NUBPL: variants seen among roughly 807,000 people sequenced by gnomAD.
The protein encoded by NUBPL is NUBP iron-sulfur cluster assembly factor, mitochondrial.
In NUBPL, 31 loss-of-function variants were observed where a neutral mutation model predicts 45.7. The ratio of observed to expected loss-of-function variants is 0.68; its 90% CI spans 0.51 to 0.92. The LOEUF (loss-of-function observed/expected upper bound fraction) is 0.92. Among genes scored for constraint, NUBPL ranks in the 40% least tolerant of loss-of-function variants. The probability of loss-of-function intolerance (pLI) is 0.00; values close to 1 mark genes in which losing one functional copy is unlikely to be tolerated. For missense variants in NUBPL, 401 were observed against 398.7 expected (o/e 1.01, Z -0.05); for synonymous variants, 144 against 140.9 (o/e 1.02, Z -0.15).
chr14:31,579,741 C>T (rs548475767), intron 3 of NUBPL, among the ~76,000 whole-genome samples: 4 of 152,316 alleles, frequency 2.6e-5, no homozygotes, highest in Non-Finnish European at 4.4e-5. Context: ...AGAAGTCTTA[C>T]GGTAATCTTT....
intron 7 of NUBPL, among the ~76,000 whole-genome samples, chr14:31,788,354 G>A (rs985199928): frequency 2.0e-5 from 3 of 150,460 alleles, no homozygotes; most frequent in Non-Finnish European, 4.4e-5. Context: ...CATTGTGTTG[G>A]ACTCTTTCTT....
intron 7 of NUBPL, among the ~76,000 whole-genome samples, chr14:31,795,590 C>G (rs9743920): frequency 0.13 from 42 of 318 alleles, 12 homozygotes; most frequent in East Asian, 1. Context: ...TTTGTATCCT[C>G]AGACTTTGCT....
intron 6 of NUBPL, among the ~76,000 whole-genome samples, chr14:31,683,927 G>C (rs1263788766): frequency 1.3e-5 from 2 of 151,812 alleles, no homozygotes; most frequent in Non-Finnish European, 2.9e-5. Flanking sequence ...GCCTTCAACT[G>C]CTACTACCAT....
chr14:31,674,980 CA>C (rs2036658804), intron 6 of NUBPL, among the ~76,000 whole-genome samples: 1 of 151,854 alleles, frequency 6.6e-6, no homozygotes, highest in Non-Finnish European at 1.5e-5. Context: ...ACTAAAAATA[CA>C]AAAAAATTAG....
chr14:31,706,641 C>A (rs1172713367), intron 6 of NUBPL, among the ~76,000 whole-genome samples: 1 of 152,182 alleles, frequency 6.6e-6, no homozygotes, highest in Non-Finnish European at 1.5e-5. Context: ...GGTGCAGAGT[C>A]CTCTTTTCTC....
At chr14:31,825,880 G>T (rs1158637122) in intron 7 of NUBPL, among the ~76,000 whole-genome samples, 4 of 146,160 alleles carry the variant, frequency 2.7e-5, no homozygotes, top group Non-Finnish European at 4.5e-5. Flanking sequence ...TTGAGATGGG[G>T]TCTCACTGTA....
At chr14:31,853,670 C>T (rs948312695) in intron 10 of NUBPL, among the ~76,000 whole-genome samples, 1 of 152,138 alleles carries the variant, frequency 6.6e-6, no homozygotes, top group Non-Finnish European at 1.5e-5. Flanking sequence ...GTTGGAAGAG[C>T]TGTTAGTACC....
intron 4 of NUBPL, among the ~76,000 whole-genome samples, chr14:31,650,506 G>T (rs1330981641): frequency 1.3e-5 from 2 of 152,076 alleles, no homozygotes; most frequent in African/African-American, 2.4e-5. Context: ...AGCCAGGATG[G>T]TCTCAATCTC....
chr14:31,725,598 T>C (rs1040543147), intron 6 of NUBPL, among the ~76,000 whole-genome samples: 5 of 152,190 alleles, frequency 3.3e-5, no homozygotes, highest in Non-Finnish European at 7.4e-5. Context: ...AAACAAATCT[T>C]TGACTGCATT....
In NUBPL at chr14:31,572,894, G is replaced by A. The variant is rs532677938; in HGVS notation, c.291+7846G>A. 9.2e-5 allele frequency among the ~76,000 whole-genome samples: 14 copies of A among 152,234 alleles called. No individual in the cohort carries two copies. In the South Asian group the frequency reaches 1.0e-3, roughly 11 times the overall value. On this transcript the variant is annotated intron_variant, in intron 3 of 10. Coordinates refer to ENST00000281081, the MANE Select transcript of NUBPL (RefSeq NM_025152.3). ...TGTTACTGTACTGAATACTGTAGAC[G>A]TTTGTAACACAATGGTAAGTATTTA...
intron 6 of NUBPL, among the ~76,000 whole-genome samples, chr14:31,765,274 C>T (rs556186490): frequency 6.6e-6 from 1 of 152,256 alleles, no homozygotes; most frequent in African/African-American, 2.4e-5. Flanking sequence ...TTCAAAAAGC[C>T]ATTTAACTCC....
chr14:31,715,904 A>AATATTT (rs559875373), intron 6 of NUBPL, among the ~76,000 whole-genome samples: 1,878 of 152,312 alleles, frequency 0.012, 27 homozygotes, highest in African/African-American at 0.035. Context: ...TTTGACTCAT[A>AATATTT]ATATTTATAC....
chr14:31,639,623 AG>A (rs1332227586), intron 4 of NUBPL, among the ~76,000 whole-genome samples: 1 of 152,194 alleles, frequency 6.6e-6, no homozygotes, highest in East Asian at 1.9e-4. Context: ...GATATCAGAC[AG>A]GGACATTTAA....
intron 4 of NUBPL, among the ~76,000 whole-genome samples, chr14:31,645,917 C>A (rs1197899829): frequency 6.6e-6 from 1 of 151,920 alleles, no homozygotes; most frequent in Non-Finnish European, 1.5e-5. Flanking sequence ...GACTACATAC[C>A]ATAATTATAG....
At chr14:31,730,519 G>A (rs1275970839) in intron 6 of NUBPL, among the ~76,000 whole-genome samples, 2 of 149,946 alleles carry the variant, frequency 1.3e-5, no homozygotes, top group Non-Finnish European at 3.0e-5. Flanking sequence ...GCTGTAGTGC[G>A]GTGGCACAAT....
At chr14:31,733,451 C>T (rs73255134) in intron 6 of NUBPL, among the ~76,000 whole-genome samples, 8,262 of 152,066 alleles carry the variant, frequency 0.054, 645 homozygotes, top group African/African-American at 0.18. Context: ...CTAACAGTGT[C>T]GAGTCTTCTG....
chr14:31,657,306 A>G (rs2036163418), intron 4 of NUBPL, among the ~76,000 whole-genome samples: 1 of 152,220 alleles, frequency 6.6e-6, no homozygotes, highest in South Asian at 2.1e-4. Flanking sequence ...TGGGCCATTC[A>G]TATAAGCTTT....
intron 4 of NUBPL, among the ~76,000 whole-genome samples, chr14:31,661,577 T>C (rs58900150): frequency 0.17 from 25,403 of 152,188 alleles, 6,065 homozygotes; most frequent in African/African-American, 0.53. Flanking sequence ...AGTCTCGCAC[T>C]GTCACCCAGG....
chr14:31,685,111 C>A (rs1264958235), intron 6 of NUBPL, among the ~76,000 whole-genome samples: 2 of 152,204 alleles, frequency 1.3e-5, no homozygotes, highest in East Asian at 3.9e-4. Flanking sequence ...TCAGCTCACA[C>A]CTCAGACCAA....
Sources: allele counts gnomAD v4.1 joint callset (sites outside exome capture counted in the v4.1 genomes callset), GRCh38; gene constraint gnomAD v4.1.1; transcripts MANE v1.5; gene names NCBI Gene and HGNC (gene_info 2026-07-23, HGNC 2026-07-21).